Variants in MAPK10 observed in about 807,000 individuals in gnomAD.
MAPK10 encodes the protein JNK3 alpha protein kinase.
Under a neutral mutation model 59.3 loss-of-function variants are expected in MAPK10, and 25 were observed. That is an observed-to-expected ratio of 0.42 (90% CI 0.31 to 0.59). The LOEUF (loss-of-function observed/expected upper bound fraction) is 0.59, where lower values mean the gene tolerates loss of function less well. MAPK10 is among the 20% of genes least tolerant of loss of function. MAPK10 has a pLI of 0.15. For synonymous variants in MAPK10, 190 were observed against 200.5 expected, an observed-to-expected ratio of 0.95 and a Z score of 0.44; for missense variants, 351 against 568.9, an observed-to-expected ratio of 0.62 and a Z score of 3.90.
chr4:86,231,158 T>G (rs1007531886), intron 2 of MAPK10, among the ~76,000 whole-genome samples: 7 of 152,232 alleles, frequency 4.6e-5, no homozygotes, highest in Non-Finnish European at 1.5e-5. Flanking sequence ...GTCCTATAAC[T>G]GCAGTGTAGA....
chr4:86,223,477 G>A (rs1462791151), intron 2 of MAPK10, among the ~76,000 whole-genome samples: 1 of 152,202 alleles, frequency 6.6e-6, no homozygotes, highest in Non-Finnish European at 1.5e-5. Context: ...GAGAATGGAG[G>A]CTCTCACAGG....
At chr4:86,234,275 T>C (rs2091971499) in intron 2 of MAPK10, among the ~76,000 whole-genome samples, 5 of 152,176 alleles carry the variant, frequency 3.3e-5, no homozygotes, top group Admixed American at 1.3e-4. Flanking sequence ...ATGTATTGTA[T>C]ACTTAATAAA....
intron 1 of MAPK10, among the ~76,000 whole-genome samples, chr4:86,373,283 T>C (rs1294764223): frequency 6.6e-6 from 1 of 152,116 alleles, no homozygotes; most frequent in Admixed American, 6.5e-5. Flanking sequence ...GACTTAAACA[T>C]AAGACCTAAA....
At chr4:86,212,173 C>T (rs537750462) in intron 2 of MAPK10, among the ~76,000 whole-genome samples, 1 of 151,874 alleles carries the variant, frequency 6.6e-6, no homozygotes, top group Admixed American at 6.6e-5. Flanking sequence ...AAAAAAACAC[C>T]ATCCAACTAT....
chr4:86,107,084 G>T, intron 5 of MAPK10, 139 bp downstream of exon 5: 1 of 613,346 alleles, frequency 1.6e-6, no homozygotes, highest in Non-Finnish European at 2.8e-6. Context: ...ATCGAATGTA[G>T]CATATTGGCA....
Position 86,225,871 on chromosome 4 carries a change from T to C in MAPK10, c.-6-31464A>G, listed in dbSNP as rs373364801. On this transcript the variant is annotated intron_variant, in intron 2 of 13. Coordinates refer to ENST00000641462, the MANE Select transcript of MAPK10 (RefSeq NM_138982.4). ...CAATACATTCTCCATAAATGTTTTC[T>C]AAGCCTATCTCCCCTAATAGATATG... is the stretch of plus-strand genomic sequence containing the variant. 6.6e-5 allele frequency among the ~76,000 whole-genome samples: 10 copies of C among 152,354 alleles called. No individual in the cohort carries two copies. In the East Asian group the frequency reaches 1.9e-3, roughly 29 times the overall value.
At chr4:86,487,557 G>A (rs577351202) in intron 1 of MAPK10, among the ~76,000 whole-genome samples, 14 of 151,882 alleles carry the variant, frequency 9.2e-5, no homozygotes, top group Admixed American at 2.6e-4. Flanking sequence ...GTGAAACCCC[G>A]TCTCTACTAA....
chr4:86,312,166 G>T lies in MAPK10; in HGVS notation c.-7+42364C>A, dbSNP rs529608550. Among the ~76,000 whole-genome samples, 40 of 152,136 alleles carry T rather than the reference G, an allele frequency of 2.6e-4. No individual in the cohort carries two copies. The South Asian group carries it at 8.1e-3, about 31-fold the overall frequency. On this transcript the variant is annotated intron_variant, in intron 2 of 13. Coordinates refer to ENST00000641462, the MANE Select transcript of MAPK10 (RefSeq NM_138982.4). The stretch of plus-strand genomic sequence containing the variant: ...GCATCCTTCCTTCATCCTGACACTG[G>T]TTATCCAGTTTAAATACTTCTAGTG...
intron 3 of MAPK10, among the ~76,000 whole-genome samples, chr4:86,166,082 G>A (rs990193931): frequency 2.6e-5 from 4 of 152,162 alleles, no homozygotes; most frequent in African/African-American, 9.7e-5. Context: ...ATACGAAGGT[G>A]GGGAACTAAT....
intron 1 of MAPK10, among the ~76,000 whole-genome samples, chr4:86,489,356 T>C (rs1480328730): frequency 6.6e-6 from 1 of 152,132 alleles, no homozygotes; most frequent in African/African-American, 2.4e-5. Context: ...TGGCTGTCCG[T>C]CTTCATCCCA....
intron 5 of MAPK10, among the ~76,000 whole-genome samples, chr4:86,105,927 T>C (rs1375480150): frequency 6.6e-6 from 1 of 152,146 alleles, no homozygotes; most frequent in Non-Finnish European, 1.5e-5. Flanking sequence ...CTTCTTTGCT[T>C]TGCCTTACTT....
intron 1 of MAPK10, among the ~76,000 whole-genome samples, chr4:86,380,451 CA>C (rs1440259428): frequency 6.6e-6 from 1 of 152,106 alleles, no homozygotes; most frequent in Non-Finnish European, 1.5e-5. Context: ...AGCCTTAACA[CA>C]GTGAATAGGT....
At chr4:86,479,496 G>A (rs918129082) in intron 1 of MAPK10, among the ~76,000 whole-genome samples, 24 of 147,494 alleles carry the variant, frequency 1.6e-4, no homozygotes, top group Admixed American at 3.4e-4. Context: ...AAAACTTGTC[G>A]TCCCTACTAT....
At chr4:86,340,668 C>A (rs550775766) in intron 2 of MAPK10, among the ~76,000 whole-genome samples, 5 of 152,034 alleles carry the variant, frequency 3.3e-5, no homozygotes, top group African/African-American at 9.7e-5. Context: ...GGTAAGTGTA[C>A]CCCATACTAA....
intron 5 of MAPK10, 58 bp downstream of exon 5, chr4:86,107,165 T>C: frequency 7.0e-7 from 1 of 1,423,240 alleles, no homozygotes; most frequent in Non-Finnish European, 9.8e-7. Flanking sequence ...CAGACACATT[T>C]TCTTTTTCCA....
intron 2 of MAPK10, among the ~76,000 whole-genome samples, chr4:86,294,485 C>T (rs892588701): frequency 6.6e-6 from 1 of 151,698 alleles, no homozygotes; most frequent in African/African-American, 2.4e-5. Flanking sequence ...TCTGTTTCTA[C>T]CCATGAGGGA....
chr4:86,281,633 T>C (rs969881822), intron 2 of MAPK10, among the ~76,000 whole-genome samples: 1 of 152,152 alleles, frequency 6.6e-6, no homozygotes, highest in African/African-American at 2.4e-5. Flanking sequence ...ATGAAGCTTG[T>C]TGAGCTGGTG....
intron 1 of MAPK10, chr4:86,399,652 A>G (rs763947075): frequency 2.0e-5 from 3 of 152,210 alleles, no homozygotes; most frequent in African/African-American, 4.8e-5. Flanking sequence ...TCATGCAACA[A>G]ACTCACTACT....
chr4:86,225,147 G>A (rs2090389705), intron 2 of MAPK10, among the ~76,000 whole-genome samples: 1 of 152,146 alleles, frequency 6.6e-6, no homozygotes, highest in East Asian at 1.9e-4. Flanking sequence ...GTTATCCCTA[G>A]AAATCCGTGC....
Sources: allele counts gnomAD v4.1 joint callset (sites outside exome capture counted in the v4.1 genomes callset), GRCh38; gene constraint gnomAD v4.1.1; transcripts MANE v1.5; gene names NCBI Gene and HGNC (gene_info 2026-07-23, HGNC 2026-07-21).